The following TBC1D32 variants were observed in gnomAD, a reference collection of about 807,000 sequenced individuals.
The protein encoded by TBC1D32 is protein broad-minded.
Under a neutral mutation model 170.3 loss-of-function variants are expected in TBC1D32, and 151 were observed. The observed-to-expected ratio is 0.89, with a 90% confidence interval of 0.78 to 1.01. TBC1D32 has a LOEUF of 1.01. Ranked by LOEUF, TBC1D32 falls within the 50% of genes least tolerant of loss-of-function variation. TBC1D32 has a pLI of 0.00. For synonymous variants in TBC1D32, 498 were observed against 488.0 expected (o/e 1.02, Z -0.27); for missense variants, 1,464 against 1,457.1 (o/e 1.00, Z -0.08).
At chr6:121,175,404 G>GT (rs1787629462) in intron 22 of TBC1D32, among the ~76,000 whole-genome samples, 1 of 152,108 alleles carries the variant, frequency 6.6e-6, no homozygotes, top group Non-Finnish European at 1.5e-5. Context: ...AACAAATGAC[G>GT]TAAGACTTTT....
intron 20 of TBC1D32, among the ~76,000 whole-genome samples, chr6:121,224,633 A>G (rs528298641): frequency 6.6e-6 from 1 of 152,240 alleles, no homozygotes; most frequent in African/African-American, 2.4e-5. Context: ...ATTAGAAATT[A>G]TAATATAATC....
intron 22 of TBC1D32, among the ~76,000 whole-genome samples, chr6:121,177,588 A>G (rs1787950030): frequency 6.6e-6 from 1 of 152,190 alleles, no homozygotes; most frequent in South Asian, 2.1e-4. Flanking sequence ...AGATGGTGAC[A>G]GCAGGCAACC....
chr6:121,088,736 A>G (rs897777676), intron 31 of TBC1D32, among the ~76,000 whole-genome samples: 2 of 152,206 alleles, frequency 1.3e-5, no homozygotes, highest in African/African-American at 4.8e-5. Context: ...CAACAAGGGT[A>G]AAAAGTAAGG....
chr6:121,246,316 C>A (rs145932573), intron 17 of TBC1D32, among the ~76,000 whole-genome samples: 1 of 151,746 alleles, frequency 6.6e-6, no homozygotes. Flanking sequence ...CCTAAAAGCA[C>A]GAAGAATTAA....
chr6:121,256,076 ATACT>A lies in TBC1D32; in HGVS notation c.1935+4_1935+7del, dbSNP rs746436100. 3.1e-6 allele frequency: 5 copies of A among 1,603,156 alleles called. No individual in the cohort carries two copies. The highest frequency in any genetic ancestry group is 2.2e-5 in the East Asian group (1 of 44,796). On this transcript the variant is annotated splice_donor_5th_base_variant and intron_variant, in intron 16 of 31. Coordinates refer to ENST00000398212, the MANE Select transcript of TBC1D32 (RefSeq NM_152730.6). ...CAGGGAGAAAAAACGAAGCTTGAAA[ATACT>A]TACCTTTTTCCATGCCTTTGCTATA...
At chr6:121,310,739 T>A (rs902800491) in intron 4 of TBC1D32, 40 bp downstream of exon 4, 4 of 1,249,456 alleles carry the variant, frequency 3.2e-6, no homozygotes, top group Non-Finnish European at 3.4e-6. Context: ...TGTAAATGTA[T>A]GTTATCTGCA....
intron 31 of TBC1D32, among the ~76,000 whole-genome samples, chr6:121,085,020 A>G (rs1776036086): frequency 6.6e-6 from 1 of 151,770 alleles, no homozygotes; most frequent in African/African-American, 2.4e-5. Context: ...ACACTATGAG[A>G]CATATAGAAT....
At chr6:121,190,073 G>GACAA (rs1789748262) in intron 22 of TBC1D32, among the ~76,000 whole-genome samples, 4 of 63,674 alleles carry the variant, frequency 6.3e-5, no homozygotes, top group Admixed American at 3.5e-4. Context: ...GCCCAATACA[G>GACAA]ACACACACAC....
At chr6:121,121,815 A>C (rs1350852377) in intron 26 of TBC1D32, among the ~76,000 whole-genome samples, 1 of 152,030 alleles carries the variant, frequency 6.6e-6, no homozygotes, top group African/African-American at 2.4e-5. Context: ...ACAACCCTAA[A>C]GAAATTTACA....
rs1386664438 is a variant in TBC1D32, at chr6:121,334,293, A to C, written c.138T>G (p.Thr46=). Residue 46 remains threonine, a synonymous_variant, in exon 1 of 32, where the codon ACT becomes ACG. Transcript: ENST00000398212. ...AATTTTACTTGTGAAAATTTTCATC[A>C]GTTTCCTCCAGATGTAAAAGAATCT... The part of the protein sequence containing the change: ...AEEILLHLEE[T]DENFHNYEFV... 1.9e-6 allele frequency: 3 copies of C among 1,613,628 alleles called. No individual in the cohort carries two copies. The South Asian group carries it at 3.3e-5, about 18-fold the overall frequency.
intron 31 of TBC1D32, among the ~76,000 whole-genome samples, chr6:121,085,369 A>ATGTATG (rs1554222634): frequency 6.6e-5 from 7 of 105,826 alleles, no homozygotes; most frequent in Admixed American, 1.0e-4. Context: ...ACATATATAT[A>ATGTATG]TGTGTATATA....
At chr6:121,151,328 T>A (rs1784186422) in intron 24 of TBC1D32, among the ~76,000 whole-genome samples, 1 of 152,222 alleles carries the variant, frequency 6.6e-6, no homozygotes, top group Non-Finnish European at 1.5e-5. Flanking sequence ...AATTTCTTAA[T>A]CCTGAGTTCT....
intron 15 of TBC1D32, among the ~76,000 whole-genome samples, chr6:121,262,488 T>C: frequency 6.6e-6 from 1 of 151,864 alleles, no homozygotes. Context: ...ACTTTTTTTT[T>C]TTTTTTGAGA....
At chr6:121,134,945 CAGACAG>C (rs1281056830) in intron 24 of TBC1D32, among the ~76,000 whole-genome samples, 2 of 147,146 alleles carry the variant, frequency 1.4e-5, no homozygotes, top group African/African-American at 5.2e-5. Flanking sequence ...CAGCCATAGG[CAGACAG>C]AGACAAAGGC....
At chr6:121,307,282 G>T (rs1296299491) in intron 5 of TBC1D32, among the ~76,000 whole-genome samples, 3 of 151,966 alleles carry the variant, frequency 2.0e-5, no homozygotes, top group African/African-American at 7.2e-5. Flanking sequence ...AGACTGAGGT[G>T]GGAAGGTCAC....
At chr6:121,250,987 G>A (rs1322855581) in intron 17 of TBC1D32, among the ~76,000 whole-genome samples, 4 of 151,898 alleles carry the variant, frequency 2.6e-5, no homozygotes, top group African/African-American at 4.8e-5. Context: ...CAACTGCTGC[G>A]AGGAAAATAA....
chr6:121,262,089 G>A (rs1159633840), intron 15 of TBC1D32, among the ~76,000 whole-genome samples: 1 of 152,118 alleles, frequency 6.6e-6, no homozygotes, highest in Admixed American at 6.6e-5. Flanking sequence ...AAAAGAGTAA[G>A]AAGTAATGTA....
chr6:121,328,218 T>C (rs1420435261), intron 1 of TBC1D32, among the ~76,000 whole-genome samples: 1 of 152,098 alleles, frequency 6.6e-6, no homozygotes, highest in South Asian at 2.1e-4. Context: ...TTAATTAAAG[T>C]CTATTAGTAT....
intron 10 of TBC1D32, among the ~76,000 whole-genome samples, chr6:121,295,463 AT>A (rs1241008326): frequency 6.6e-6 from 1 of 152,116 alleles, no homozygotes; most frequent in Non-Finnish European, 1.5e-5. Context: ...AGTTAGCATA[AT>A]TTTTATTTTC....
Sources: allele counts gnomAD v4.1 joint callset (sites outside exome capture counted in the v4.1 genomes callset), GRCh38; gene constraint gnomAD v4.1.1; transcripts MANE v1.5; gene names NCBI Gene and HGNC (gene_info 2026-07-23, HGNC 2026-07-21).